PFKL: variants seen among roughly 807,000 people sequenced by gnomAD.
PFKL encodes the protein phosphofructokinase, liver type, also known as ATP-dependent 6-phosphofructokinase, liver type.
In PFKL, 74 loss-of-function variants were observed where a neutral mutation model predicts 92.1. The observed-to-expected ratio is 0.80, with a 90% confidence interval of 0.67 to 0.97. The LOEUF (loss-of-function observed/expected upper bound fraction) is 0.97. Among genes scored for constraint, PFKL ranks in the 50% least tolerant of loss-of-function variants. PFKL has a pLI of 0.00. For missense variants in PFKL, 1,028 were observed against 1,116.6 expected (o/e 0.92, Z 1.13); for synonymous variants, 494 against 456.4 (o/e 1.08, Z -1.05).
intron 4 of PFKL, 57 bp downstream of exon 4, chr21:44,312,351 A>G: frequency 1.4e-6 from 2 of 1,453,630 alleles, no homozygotes; most frequent in East Asian, 2.7e-5. Context: ...CGCTGCTGCC[A>G]GGCGTGGGAA....
chr21:44,305,619 GA>G (rs112171834), intron 1 of PFKL, among the ~76,000 whole-genome samples: 1 of 152,218 alleles, frequency 6.6e-6, no homozygotes, highest in Non-Finnish European at 1.5e-5. Flanking sequence ...ACCTCACTCA[GA>G]AGGGGACCCT....
Position 44,325,101 on chromosome 21 carries a change from G to T in PFKL, c.1878-52G>T, listed in dbSNP as rs567408693. The T allele has an allele frequency of 4.4e-6, 6 of 1,367,576 alleles. No individual in the cohort carries two copies. The Admixed American group carries it at 8.6e-5, about 20-fold the overall frequency. 84.7% of individuals were successfully genotyped at this position (1,367,576 alleles called of 1,614,324 possible). A position where few individuals can be genotyped will look rare whatever the true frequency, so the allele number is the denominator to read the frequency against. ...CTGGCCCAGCGGGGACTCAGGATCGGGGGGAGACCTGAACTCGTTCCCGCC... is the reference window on the plus strand; with the variant it reads ...CTGGCCCAGCGGGGACTCAGGATCGTGGGGAGACCTGAACTCGTTCCCGCC... On this transcript the variant is annotated intron_variant, in intron 18 of 21. Coordinates refer to ENST00000349048, the MANE Select transcript of PFKL (RefSeq NM_002626.6).
At chr21:44,302,256 G>T (rs1310882421) in intron 1 of PFKL, among the ~76,000 whole-genome samples, 1 of 152,252 alleles carries the variant, frequency 6.6e-6, no homozygotes, top group Admixed American at 6.5e-5. Flanking sequence ...CCGTGCAGCT[G>T]CAGCGTCTCT....
At chr21:44,318,125 A>G (rs1420109533) in intron 9 of PFKL, among the ~76,000 whole-genome samples, 1 of 152,228 alleles carries the variant, frequency 6.6e-6, no homozygotes, top group Non-Finnish European at 1.5e-5. Flanking sequence ...CCACGGGAGG[A>G]TCCATCGCAG....
At chr21:44,319,535 A>C (rs998742748) in intron 11 of PFKL, 120 bp downstream of exon 11, 1 of 865,252 alleles carries the variant, frequency 1.2e-6, no homozygotes, top group Admixed American at 1.9e-5. Flanking sequence ...ACCGCGTCTG[A>C]AGATCGAGGG....
At chr21:44,305,425 C>A in intron 1 of PFKL, 1 of 1,358,952 alleles carries the variant, frequency 7.4e-7, no homozygotes, top group Non-Finnish European at 9.8e-7. Flanking sequence ...CAGGTCAGCA[C>A]CTCCAGCCTC....
rs998820330 is a variant in PFKL, at chr21:44,320,055, G to A, written c.1128-29G>A. ...CTGTACGCCGTGGCGCTGCAGGGCT[G>A]TGCATGGTGTGACCCGAATCCCTTC... On this transcript the variant is annotated intron_variant, in intron 11 of 21. Coordinates refer to ENST00000349048, the MANE Select transcript of PFKL (RefSeq NM_002626.6). The A allele has an allele frequency of 3.7e-6, 6 of 1,607,222 alleles. No individual in the cohort carries two copies. In the East Asian group the frequency reaches 1.1e-4, roughly 30 times the overall value.
chr21:44,326,567 C>A, intron 21 of PFKL, 148 bp from the exon 22 acceptor site: 1 of 1,113,676 alleles, frequency 9.0e-7, no homozygotes, highest in Non-Finnish European at 1.3e-6. Flanking sequence ...GACCCCAGAC[C>A]TGTCCCAGCT....
chr21:44,322,469 TGGCCA>T (rs1250756138), intron 14 of PFKL, among the ~76,000 whole-genome samples: 1 of 152,174 alleles, frequency 6.6e-6, no homozygotes, highest in Non-Finnish European at 1.5e-5. Context: ...TGTCCCTGCC[TGGCCA>T]GGCCAGGCAG....
chr21:44,313,551 A>G (rs567873298), intron 5 of PFKL, 87 bp from the exon 6 acceptor site: 73 of 1,313,328 alleles, frequency 5.6e-5, no homozygotes, highest in Non-Finnish European at 7.4e-5. Flanking sequence ...CTCTCCATCC[A>G]CTGGGTCCCT....
intron 1 of PFKL, among the ~76,000 whole-genome samples, chr21:44,306,291 A>G (rs2040941009): frequency 6.6e-6 from 1 of 152,106 alleles, no homozygotes; most frequent in African/African-American, 2.4e-5. Context: ...CCTGATTGCC[A>G]TGCTCTGCAT....
At chr21:44,305,262 G>A (rs1231216773) in intron 1 of PFKL, 3 of 1,331,172 alleles carry the variant, frequency 2.3e-6, no homozygotes, top group Non-Finnish European at 2.0e-6. Flanking sequence ...TCAAGGCGTG[G>A]CACCTCACCT....
chr21:44,318,259 A>G (rs530177590), intron 9 of PFKL, among the ~76,000 whole-genome samples: 1 of 151,880 alleles, frequency 6.6e-6, no homozygotes, highest in Non-Finnish European at 1.5e-5. Flanking sequence ...TGGGCCTTCC[A>G]GCAGGGCAGC....
At position 44,322,314 on chromosome 21, in the gene PFKL, C is replaced by T. The variant is rs899440580; in HGVS notation, c.1409+111C>T. 32 of 984,418 alleles carry T rather than the reference C, an allele frequency of 3.3e-5. No individual in the cohort carries two copies. The African/African-American group carries it at 4.5e-4, about 14-fold the overall frequency. The allele number at this position is 984,418 out of a possible 1,614,324, so 61.0% of individuals were successfully genotyped here. Reference sequence around the variant, plus strand: ...CAGCCCGGGGCCCTGGGCTCGGCCCCTCTTCCTGCTGGTGGTCTGCCCAGA... The same window carrying T: ...CAGCCCGGGGCCCTGGGCTCGGCCCTTCTTCCTGCTGGTGGTCTGCCCAGA... On this transcript the variant is annotated intron_variant, in intron 14 of 21. Coordinates refer to ENST00000349048, the MANE Select transcript of PFKL (RefSeq NM_002626.6).
intron 9 of PFKL, among the ~76,000 whole-genome samples, 197 bp downstream of exon 9, chr21:44,316,721 G>T (rs752222649): frequency 4.6e-5 from 7 of 151,874 alleles, no homozygotes; most frequent in Admixed American, 2.0e-4. Context: ...TGTCTGGTCC[G>T]TGTGGGTGTG....
chr21:44,320,238 C>G lies in PFKL; in HGVS notation c.1191+91C>G, dbSNP rs1279673406. ...TGGCCCCGTGGCTGGGCCTGCCTGCCCCCACCTTCCCTCCTGCTGGGGTCC... is the reference window on the plus strand; with the variant it reads ...TGGCCCCGTGGCTGGGCCTGCCTGCGCCCACCTTCCCTCCTGCTGGGGTCC... On this transcript the variant is annotated intron_variant, in intron 12 of 21. Coordinates refer to ENST00000349048, the MANE Select transcript of PFKL (RefSeq NM_002626.6). 1.2e-5 allele frequency: 13 copies of G among 1,097,560 alleles called. 1 individual carries two copies. In the African/African-American group the frequency reaches 1.7e-4, roughly 14 times the overall value. The allele number at this position is 1,097,560 out of a possible 1,614,324, so 68.0% of individuals were successfully genotyped here.
At position 44,326,847 on chromosome 21, in the gene PFKL, G is replaced by A. The variant is rs1249969793; in HGVS notation, c.2328G>A (p.Met776Ile). 1 of 1,609,646 alleles carries A rather than the reference G, an allele frequency of 6.2e-7. No individual in the cohort carries two copies. The highest frequency in any genetic ancestry group is 8.5e-7 in the Non-Finnish European group (1 of 1,178,620). Reference protein sequence around the residue: ...LEHVTRRTLSMDKGF With the variant: ...LEHVTRRTLSIDKGF ...ACGTGACCCGCCGCACCCTGAGCAT[G>A]GACAAGGGCTTCTGAGGCCAGCCAT... The change falls in exon 22 of 22, where the codon ATG becomes ATA. Residue 776 changes from methionine to isoleucine, a missense_variant. Physicochemically the swap from Met to Ile is conservative, Grantham distance 10. Transcript: ENST00000349048.
intron 1 of PFKL, among the ~76,000 whole-genome samples, chr21:44,303,045 T>C (rs1003346877): frequency 4.6e-5 from 7 of 152,070 alleles, no homozygotes; most frequent in African/African-American, 1.7e-4. Context: ...CCATCCTGGC[T>C]AACATGGTGA....
intron 1 of PFKL, among the ~76,000 whole-genome samples, chr21:44,303,977 G>C (rs1390414778): frequency 1.3e-5 from 2 of 150,410 alleles, no homozygotes; most frequent in African/African-American, 4.9e-5. Flanking sequence ...GAAGATTACA[G>C]CTTCCAATGA....
Sources: allele counts gnomAD v4.1 joint callset (sites outside exome capture counted in the v4.1 genomes callset), GRCh38; gene constraint gnomAD v4.1.1; transcripts MANE v1.5; gene names NCBI Gene and HGNC (gene_info 2026-07-23, HGNC 2026-07-21).